AFF2: variants seen among roughly 807,000 people sequenced by gnomAD.
AFF2 encodes AF4/FMR2 family member 2.
AFF2 carries 14 observed loss-of-function variants against 76.9 expected under a neutral mutation model. The observed-to-expected ratio is 0.18, with a 90% CI of 0.12 to 0.28. AFF2 has a LOEUF of 0.28. AFF2 is among the 10% of genes least tolerant of loss of function. The pLI is 1.00. For synonymous variants in AFF2, 398 were observed against 366.7 expected (o/e 1.09, Z -0.98); for missense variants, 868 against 1,001.1 (o/e 0.87, Z 1.79).
rs781858156 is a variant in AFF2 at position 148,794,099 on chromosome X, G to T, written c.1042-15777G>T. On this transcript the variant is annotated intron_variant, in intron 3 of 20. Coordinates refer to ENST00000370460, the MANE Select transcript of AFF2 (RefSeq NM_002025.4). The stretch of plus-strand genomic sequence containing the variant: ...CTGCACCTGTAGTAACTGTCTGCCA[G>T]AGGCAGCCCTTTTTCAAAGTCCCTA... Among the ~76,000 whole-genome samples the T allele has an allele frequency of 3.6e-5, 4 of 112,182 alleles. No individual in the cohort carries two copies. The South Asian group carries it at 1.5e-3, about 42-fold the overall frequency.
chrX:148,525,538 A>T (rs962234405), intron 1 of AFF2, among the ~76,000 whole-genome samples: 5 of 111,876 alleles, frequency 4.5e-5, no homozygotes, highest in Admixed American at 1.9e-4. Flanking sequence ...TATTTAAATA[A>T]CCAGAATAGA....
chrX:148,723,925 T>G (rs782737315), intron 3 of AFF2, among the ~76,000 whole-genome samples: 1 of 106,053 alleles, frequency 9.4e-6, no homozygotes, highest in South Asian at 4.3e-4. Flanking sequence ...TTTTCTTTTT[T>G]TTTTTTTTTG....
chrX:148,962,262 T>C (rs1361611763), intron 12 of AFF2, among the ~76,000 whole-genome samples: 1 of 112,655 alleles, frequency 8.9e-6, no homozygotes, highest in Non-Finnish European at 1.9e-5. Context: ...GAAAGTATTC[T>C]TCCACTGATT....
chrX:148,817,796 A>T (rs1204293730), intron 4 of AFF2, among the ~76,000 whole-genome samples: 1 of 111,789 alleles, frequency 8.9e-6, no homozygotes, highest in Non-Finnish European at 1.9e-5. Flanking sequence ...TTATTCCAGG[A>T]GTGTAAAACT....
intron 3 of AFF2, among the ~76,000 whole-genome samples, chrX:148,778,955 T>G (rs782352464): frequency 1.7e-4 from 19 of 111,863 alleles, no homozygotes; most frequent in African/African-American, 4.9e-4. Context: ...TTTTAGATCT[T>G]CCTCACTTTC....
At chrX:148,521,530 A>G (rs1557234518) in intron 1 of AFF2, among the ~76,000 whole-genome samples, 1 of 111,453 alleles carries the variant, frequency 9.0e-6, no homozygotes, top group African/African-American at 3.3e-5. Context: ...TTATCAAGAT[A>G]TACTTCCCCT....
At position 148,962,854 on chromosome X, in the gene AFF2, G is replaced by A. The variant is rs911146585; in HGVS notation, c.2830G>A (p.Ala944Thr). The A allele has an allele frequency of 9.9e-6, 12 of 1,208,807 alleles. No homozygotes were observed. The highest frequency in any genetic ancestry group is 4.4e-5 in the Admixed American group (2 of 45,705). Residue 944 changes from alanine to threonine, a missense_variant, in exon 13 of 21, where the codon GCC becomes ACC. By Grantham distance (58) the Ala-to-Thr change is moderately conservative (BLOSUM62 0). This residue lies in a region of AFF2 where 532 missense variants were observed against 564.2 expected (regional missense o/e 0.94). Coordinates refer to ENST00000370460, the MANE Select transcript of AFF2 (RefSeq NM_002025.4). Reference protein sequence around the residue: ...NGPFGQDKNIAMTGQITSTKP... With the variant: ...NGPFGQDKNITMTGQITSTKP... ...TCCCTTTGGTCAAGACAAAAACATC[G>A]CCATGACTGGACAAATCACATCTAC...
At chrX:148,597,909 C>T (rs782637116) in intron 1 of AFF2, among the ~76,000 whole-genome samples, 2 of 112,061 alleles carry the variant, frequency 1.8e-5, no homozygotes, top group Non-Finnish European at 3.8e-5. Context: ...TGGCTCGCTG[C>T]GGTATAAAGG....
chrX:148,951,490 A>G (rs2071968107), intron 9 of AFF2, among the ~76,000 whole-genome samples: 1 of 111,765 alleles, frequency 8.9e-6, no homozygotes, highest in African/African-American at 3.3e-5. Flanking sequence ...TGATACTAGG[A>G]AACAGCCTTT....
chrX:148,783,794 A>T (rs1287188772), intron 3 of AFF2, among the ~76,000 whole-genome samples: 4 of 111,865 alleles, frequency 3.6e-5, no homozygotes, highest in Non-Finnish European at 7.5e-5. Context: ...CTAACAAATG[A>T]GGGCAGACTT....
intron 1 of AFF2, among the ~76,000 whole-genome samples, chrX:148,570,770 A>G (rs897028241): frequency 8.1e-5 from 9 of 111,376 alleles, no homozygotes; most frequent in Non-Finnish European, 1.3e-4. Context: ...GACGTGTTCC[A>G]TGCCTCTTTC....
At chrX:148,594,251 A>T (rs1378979246) in intron 1 of AFF2, among the ~76,000 whole-genome samples, 2 of 111,140 alleles carry the variant, frequency 1.8e-5, no homozygotes, top group Non-Finnish European at 3.8e-5. Flanking sequence ...GTCAGGACTT[A>T]CTCGGGTCTG....
intron 1 of AFF2, among the ~76,000 whole-genome samples, chrX:148,555,591 G>A (rs1264040264): frequency 8.9e-6 from 1 of 112,005 alleles, no homozygotes; most frequent in Non-Finnish European, 1.9e-5. Flanking sequence ...GTCAAGACAT[G>A]TCCCTCAGCA....
intron 3 of AFF2, among the ~76,000 whole-genome samples, chrX:148,725,354 C>G (rs936203432): frequency 6.3e-5 from 7 of 110,930 alleles, no homozygotes; most frequent in African/African-American, 2.3e-4. Flanking sequence ...CTGGGATCCT[C>G]TTACCAGGAT....
rs782651500 is a variant in AFF2 at position 148,959,048 on chromosome X, G to A, written c.2690+590G>A. ...TTCCTGACACAGAACTGTCCCAGGA[G>A]GAGGGCCACTCCCAGACAGCTCATC... On this transcript the variant is annotated intron_variant, in intron 12 of 20. Coordinates refer to ENST00000370460, the MANE Select transcript of AFF2 (RefSeq NM_002025.4). Among the ~76,000 whole-genome samples the A allele has an allele frequency of 1.1e-4, 12 of 109,501 alleles. 1 individual carries two copies. In the South Asian group the frequency reaches 5.0e-3, roughly 45 times the overall value.
At chrX:148,836,737 T>C (rs782462211) in intron 4 of AFF2, among the ~76,000 whole-genome samples, 70 of 111,784 alleles carry the variant, frequency 6.3e-4, no homozygotes, top group African/African-American at 2.3e-3. Flanking sequence ...GTAAAGCATG[T>C]TGGCCACATG....
chrX:148,772,083 A>G (rs17252278), intron 3 of AFF2, among the ~76,000 whole-genome samples: 1,372 of 112,079 alleles, frequency 0.012, 14 homozygotes, highest in Non-Finnish European at 0.021. Context: ...TTAATAGGTC[A>G]CATTTCACTG....
chrX:148,512,548 AT>A (rs2052493395), intron 1 of AFF2, among the ~76,000 whole-genome samples: 3 of 112,543 alleles, frequency 2.7e-5, no homozygotes, highest in South Asian at 7.3e-4. Context: ...CTAAATGTAG[AT>A]TAGTAGCAAA....
chrX:148,966,912 C>G lies in AFF2; in HGVS notation c.3036C>G (p.Ala1012=). The part of the protein sequence containing the change: ...VTTTVTATAT[A]TATTTTTTTT... ...CCACTGTCACAGCTACTGCCACCGC[C>G]ACGGCCACCACCACAACTACTACCA... The change falls in exon 14 of 21, where the codon GCC becomes GCG. Residue 1012 remains alanine, a synonymous_variant. Coordinates refer to ENST00000370460, the MANE Select transcript of AFF2 (RefSeq NM_002025.4). 8.3e-7 allele frequency: 1 copy of G among 1,211,237 alleles called. No individual in the cohort carries two copies. The highest frequency in any genetic ancestry group is 1.1e-6 in the Non-Finnish European group (1 of 895,417).
Sources: allele counts gnomAD v4.1 joint callset (sites outside exome capture counted in the v4.1 genomes callset), GRCh38; gene constraint gnomAD v4.1.1; regional missense constraint gnomAD v4.1.1; transcripts MANE v1.5; gene names NCBI Gene and HGNC (gene_info 2026-07-23, HGNC 2026-07-21).